SYT6: variants seen among roughly 807,000 people sequenced by gnomAD.
SYT6 encodes the protein synaptotagmin 6.
In SYT6, 24 loss-of-function variants were observed where a neutral mutation model predicts 38.4. The observed-to-expected ratio is 0.62, with a 90% CI of 0.45 to 0.88. The LOEUF (loss-of-function observed/expected upper bound fraction) is 0.88, where lower values mean the gene tolerates loss of function less well. Among genes scored for constraint, SYT6 ranks in the 40% least tolerant of loss-of-function variants. The pLI is 0.00. For synonymous variants in SYT6, 265 were observed against 241.9 expected (o/e 1.10, Z -0.89); for missense variants, 611 against 621.0 (o/e 0.98, Z 0.17).
chr1:114,127,956 G>A (rs1470909285), intron 3 of SYT6, among the ~76,000 whole-genome samples: 1 of 152,224 alleles, frequency 6.6e-6, no homozygotes, highest in African/African-American at 2.4e-5. Flanking sequence ...GAGCCTTGCA[G>A]CCCTACCAAG....
At chr1:114,137,436 G>A in intron 3 of SYT6, 59 bp downstream of exon 3, 1 of 1,555,336 alleles carries the variant, frequency 6.4e-7, no homozygotes, top group Admixed American at 1.8e-5. Flanking sequence ...TTGGGGACAT[G>A]TCCCACCCAA....
At chr1:114,119,984 C>T (rs923001026) in intron 3 of SYT6, among the ~76,000 whole-genome samples, 17 of 151,158 alleles carry the variant, frequency 1.1e-4, no homozygotes, top group East Asian at 3.9e-4. Context: ...GGCAGGAGAA[C>T]GGCCTGAACC....
At chr1:114,135,810 T>G (rs1678445541) in intron 3 of SYT6, among the ~76,000 whole-genome samples, 1 of 152,144 alleles carries the variant, frequency 6.6e-6, no homozygotes, top group African/African-American at 2.4e-5. Context: ...CCCTCACCCC[T>G]CTCCCTGGGT....
intron 1 of SYT6, among the ~76,000 whole-genome samples, chr1:114,147,185 A>G (rs1010465855): frequency 4.6e-5 from 7 of 152,186 alleles, no homozygotes; most frequent in Non-Finnish European, 7.3e-5. Flanking sequence ...AACACAAACT[A>G]TGGTTCAGAT....
At chr1:114,092,311 A>ACT (rs35257020) in intron 7 of SYT6, among the ~76,000 whole-genome samples, 4,532 of 133,222 alleles carry the variant, frequency 0.034, 106 homozygotes, top group African/African-American at 0.076. Context: ...AGCTTTCTTA[A>ACT]CTCTCTCTCT....
intron 5 of SYT6, 132 bp from the exon 6 acceptor site, chr1:114,098,009 G>T: frequency 9.6e-7 from 1 of 1,045,810 alleles, no homozygotes; most frequent in South Asian, 1.7e-5. Flanking sequence ...ACAGATGCTT[G>T]GCAGGGCTTC....
intron 4 of SYT6, 83 bp from the exon 5 acceptor site, chr1:114,099,348 G>T: frequency 7.1e-7 from 1 of 1,417,326 alleles, no homozygotes; most frequent in South Asian, 1.4e-5. Flanking sequence ...AGGGACCGAA[G>T]CCCTAGACCT....
At chr1:114,128,281 A>T (rs2101058501) in intron 3 of SYT6, among the ~76,000 whole-genome samples, 1 of 152,306 alleles carries the variant, frequency 6.6e-6, no homozygotes, top group African/African-American at 2.4e-5. Flanking sequence ...GAGTCCAGAC[A>T]CTTGGGAATT....
chr1:114,092,319 T>TCG (rs1675356187), intron 7 of SYT6, among the ~76,000 whole-genome samples: 1 of 142,150 alleles, frequency 7.0e-6, no homozygotes, highest in African/African-American at 2.6e-5. Flanking sequence ...TAACTCTCTC[T>TCG]CTCTCTCTCT....
At chr1:114,131,511 T>C (rs1447712280) in intron 3 of SYT6, among the ~76,000 whole-genome samples, 1 of 152,234 alleles carries the variant, frequency 6.6e-6, no homozygotes, top group Non-Finnish European at 1.5e-5. Context: ...TGCAGCAGCT[T>C]GCATAATTGT....
intron 3 of SYT6, among the ~76,000 whole-genome samples, chr1:114,129,945 G>A (rs186355125): frequency 4.3e-4 from 65 of 151,208 alleles, no homozygotes; most frequent in Admixed American, 2.4e-3. Context: ...TCGGCCTCCC[G>A]AAGTGCTAGG....
At chr1:114,144,708 C>T (rs1679065794) in intron 1 of SYT6, among the ~76,000 whole-genome samples, 1 of 152,082 alleles carries the variant, frequency 6.6e-6, no homozygotes, top group Non-Finnish European at 1.5e-5. Flanking sequence ...CTTGAATGCC[C>T]AGTCCCCTGC....
chr1:114,137,219 A>G (rs1203981444), intron 3 of SYT6, among the ~76,000 whole-genome samples: 3 of 152,170 alleles, frequency 2.0e-5, no homozygotes, highest in African/African-American at 7.2e-5. Context: ...GCACATCAGT[A>G]CTCTCAGTAG....
At chr1:114,097,048 C>T (rs1240551105) in intron 6 of SYT6, among the ~76,000 whole-genome samples, 2 of 152,172 alleles carry the variant, frequency 1.3e-5, no homozygotes, top group Non-Finnish European at 2.9e-5. Context: ...ATTTTCTTTG[C>T]AGTTGAGGGA....
At chr1:114,111,812 T>C (rs1179359401) in intron 3 of SYT6, among the ~76,000 whole-genome samples, 1 of 90,742 alleles carries the variant, frequency 1.1e-5, no homozygotes, top group Non-Finnish European at 2.6e-5. Context: ...CGCCCCACGT[T>C]CCCACAGCTG....
intron 3 of SYT6, among the ~76,000 whole-genome samples, chr1:114,105,761 T>C (rs1299050197): frequency 1.3e-5 from 2 of 152,174 alleles, no homozygotes; most frequent in African/African-American, 4.8e-5. Context: ...GACTCGTGAC[T>C]CTCGAGAGAG....
chr1:114,121,023 A>T (rs1038119207), intron 3 of SYT6, among the ~76,000 whole-genome samples: 3 of 152,232 alleles, frequency 2.0e-5, no homozygotes, highest in African/African-American at 7.2e-5. Flanking sequence ...CCCACTGGGC[A>T]GCTAACTGGC....
chr1:114,094,816 A>G (rs898475196), intron 6 of SYT6, among the ~76,000 whole-genome samples: 1 of 152,254 alleles, frequency 6.6e-6, no homozygotes, highest in Non-Finnish European at 1.5e-5. Context: ...TTTCAGGAGC[A>G]AAGTTCTTGC....
chr1:114,139,530 T>C (rs1678721992), intron 2 of SYT6, 85 bp downstream of exon 2: 2 of 1,552,448 alleles, frequency 1.3e-6, no homozygotes, highest in Non-Finnish European at 1.7e-6. Context: ...TTCTGGTCTG[T>C]GATCCCCACA....
Sources: allele counts gnomAD v4.1 joint callset (sites outside exome capture counted in the v4.1 genomes callset), GRCh38; gene constraint gnomAD v4.1.1; transcripts MANE v1.5; gene names NCBI Gene and HGNC (gene_info 2026-07-23, HGNC 2026-07-21).